Variants in C20orf202 observed in about 807,000 individuals in gnomAD.
The protein encoded by C20orf202 is uncharacterized protein C20orf202.
C20orf202 carries 5 observed loss-of-function variants against 5.3 expected under a neutral mutation model. The ratio of observed to expected loss-of-function variants is 0.94; its 90% CI spans 0.49 to 1.98. The LOEUF (loss-of-function observed/expected upper bound fraction) is 1.98, where lower values mean the gene tolerates loss of function less well. C20orf202 is among the 30% of genes most tolerant of loss of function. C20orf202 has a pLI of 0.01. For synonymous variants in C20orf202, 48 were observed against 50.0 expected, an observed-to-expected ratio of 0.96 and a Z score of 0.16; for missense variants, 135 against 123.5, an observed-to-expected ratio of 1.09 and a Z score of -0.44.
At chr20:1,206,005 A>T (rs1357727099) in intron 1 of C20orf202, among the ~76,000 whole-genome samples, 5 of 151,956 alleles carry the variant, frequency 3.3e-5, no homozygotes, top group Admixed American at 3.3e-4. Context: ...GTGAGCCGTT[A>T]TTGCACCACT....
rs558875651 is a variant in C20orf202 at position 1,207,177 on chromosome 20, A to G, written c.*75A>G. On this transcript the variant is annotated 3_prime_UTR_variant, in exon 2 of 2. Coordinates refer to ENST00000400633, the MANE Select transcript of C20orf202 (RefSeq NM_001394958.1). Reference sequence around the variant, plus strand: ...TTTCACTGTGATATTTCAGGGGCAGAGTGTTGGAATGGGAGTCAGAAAGCC... The same window carrying G: ...TTTCACTGTGATATTTCAGGGGCAGGGTGTTGGAATGGGAGTCAGAAAGCC... 6 of 1,110,946 alleles carry G rather than the reference A, an allele frequency of 5.4e-6. No homozygotes were observed. The highest frequency in any genetic ancestry group is 7.4e-6 in the Non-Finnish European group (6 of 809,302). The allele number at this position is 1,110,946 out of a possible 1,614,324, so 68.8% of individuals were successfully genotyped here. A position where few individuals can be genotyped will look rare whatever the true frequency, so the allele number is the denominator to read the frequency against.
At chr20:1,204,697 C>A (rs992847684) in intron 1 of C20orf202, among the ~76,000 whole-genome samples, 1 of 152,196 alleles carries the variant, frequency 6.6e-6, no homozygotes, top group Non-Finnish European at 1.5e-5. Context: ...CCAAAAATGA[C>A]CTTTCTGGGT....
intron 1 of C20orf202, among the ~76,000 whole-genome samples, chr20:1,204,247 G>T (rs910072288): frequency 6.6e-6 from 1 of 152,138 alleles, no homozygotes; most frequent in African/African-American, 2.4e-5. Flanking sequence ...CCAATGCTAT[G>T]CCAGGCAATT....
Position 1,208,158 on chromosome 20 carries a change from G to C in C20orf202, c.*1056G>C, listed in dbSNP as rs1238771510. 6.6e-6 allele frequency: 1 copy of C among 152,224 alleles called. No individual in the cohort carries two copies. 9.4% of individuals were successfully genotyped at this position (152,224 alleles called of 1,614,324 possible). A position where few individuals can be genotyped will look rare whatever the true frequency, so the allele number is the denominator to read the frequency against. On this transcript the variant is annotated 3_prime_UTR_variant, in exon 2 of 2. Transcript: ENST00000400633. ...TCCGTAACAGCAGGCAACCAGGCTT[G>C]TGATACAGCAGAGACACTCAGTTGT...
chr20:1,206,161 G>C (rs2122717275), intron 1 of C20orf202, among the ~76,000 whole-genome samples: 1 of 152,234 alleles, frequency 6.6e-6, no homozygotes, highest in Non-Finnish European at 1.5e-5. Flanking sequence ...AAGATGACAG[G>C]AGAGTTCTAA....
rs2087134156 is a variant in C20orf202 at position 1,206,925 on chromosome 20, T to C, written c.123T>C (p.Ser41=). 1 of 1,551,150 alleles carries C rather than the reference T, an allele frequency of 6.4e-7. No homozygotes were observed. The highest frequency in any genetic ancestry group is 1.2e-5 in the South Asian group (1 of 83,994). The change falls in exon 2 of 2, where the codon AGT becomes AGC. Residue 41 remains serine, a synonymous_variant. Transcript: ENST00000400633. ...SLLLTLRHLH[S]VLEELRADSA... is the part of the protein sequence containing the mutation. ...TGCTCACACTGAGGCATCTTCACAG[T>C]GTCCTGGAGGAGCTGCGTGCGGACA...
rs2087137145 is a variant in C20orf202 at position 1,207,362 on chromosome 20, G to A, written c.*260G>A. ...ACACTTTTCGACTGAAAACACAAATGTGCTCTAGTGCTCTGGCAAGCACCA... is the reference window on the plus strand; with the variant it reads ...ACACTTTTCGACTGAAAACACAAATATGCTCTAGTGCTCTGGCAAGCACCA... On this transcript the variant is annotated 3_prime_UTR_variant, in exon 2 of 2. Transcript: ENST00000400633. The A allele has an allele frequency of 2.8e-6, 1 of 351,952 alleles. No homozygotes were observed. 21.8% of individuals were successfully genotyped at this position (351,952 alleles called of 1,614,324 possible).
At chr20:1,204,074 G>A (rs933807332) in intron 1 of C20orf202, among the ~76,000 whole-genome samples, 2 of 152,092 alleles carry the variant, frequency 1.3e-5, no homozygotes, top group Non-Finnish European at 2.9e-5. Context: ...CCGTGGTGCT[G>A]GCTATTATAA....
rs145683840 is a variant in C20orf202 at position 1,208,815 on chromosome 20, G to A, written c.*1713G>A. ...TGTGGGTCCCTGCCTTACCTACCTGGCCCTTTCCTGAGCTCAGAGACACCA... is the reference window on the plus strand; with the variant it reads ...TGTGGGTCCCTGCCTTACCTACCTGACCCTTTCCTGAGCTCAGAGACACCA... On this transcript the variant is annotated 3_prime_UTR_variant, in exon 2 of 2. Coordinates refer to ENST00000400633, the MANE Select transcript of C20orf202 (RefSeq NM_001394958.1). Among the ~76,000 whole-genome samples, 1 of 152,160 alleles carries A rather than the reference G, an allele frequency of 6.6e-6. No homozygotes were observed. Among genetic ancestry groups the A allele is most frequent in the Non-Finnish European group, 1.5e-5 (1 of 68,006 alleles).
At chr20:1,203,787 T>A in intron 1 of C20orf202, 136 bp downstream of exon 1, 1 of 956,728 alleles carries the variant, frequency 1.0e-6, no homozygotes, top group South Asian at 1.8e-5. Flanking sequence ...CTCTGGGACC[T>A]ACCACACAAT....
intron 1 of C20orf202, among the ~76,000 whole-genome samples, chr20:1,205,106 CTTT>C (rs55977318): frequency 9.7e-5 from 13 of 134,252 alleles, no homozygotes; most frequent in Admixed American, 2.2e-4. Flanking sequence ...CACGTCTTTC[CTTT>C]TTTTTTTTTT....
chr20:1,208,344 T>C lies in C20orf202; in HGVS notation c.*1242T>C, dbSNP rs1411534676. ...CTGTATGTTGCTAGAACATTGTTTT[T>C]ATGGCTTTGAAAAAGTAAATCGATT... is the stretch of plus-strand genomic sequence containing the variant. On this transcript the variant is annotated 3_prime_UTR_variant, in exon 2 of 2. Transcript: ENST00000400633. 2 of 152,224 alleles carry C rather than the reference T, an allele frequency of 1.3e-5. No individual in the cohort carries two copies. Among genetic ancestry groups the C allele is most frequent in the Non-Finnish European group, 2.9e-5 (2 of 68,038 alleles). 9.4% of individuals were successfully genotyped at this position (152,224 alleles called of 1,614,324 possible).
chr20:1,203,662 G>A lies in C20orf202; in HGVS notation c.66+11G>A, dbSNP rs1425613707. The stretch of plus-strand genomic sequence containing the variant: ...CTGAGAAAGGAGCTGGTAAGGTTTT[G>A]CATTGCTTTTCCTTGATGCCCCGAC... On this transcript the variant is annotated intron_variant, in intron 1 of 1. Coordinates refer to ENST00000400633, the MANE Select transcript of C20orf202 (RefSeq NM_001394958.1). The A allele has an allele frequency of 6.5e-7, 1 of 1,532,820 alleles. No individual in the cohort carries two copies. The highest frequency in any genetic ancestry group is 2.5e-5 in the East Asian group (1 of 40,786). The allele number at this position is 1,532,820 out of a possible 1,614,324, so 95.0% of individuals were successfully genotyped here.
intron 1 of C20orf202, among the ~76,000 whole-genome samples, chr20:1,204,767 C>A (rs561344918): frequency 2.0e-5 from 3 of 152,288 alleles, no homozygotes; most frequent in African/African-American, 7.2e-5. Context: ...AAGGGCTGAC[C>A]CAGTAGGGTT....
chr20:1,203,597 A>T lies in C20orf202; in HGVS notation c.12A>T (p.Ala4=), dbSNP rs927611234. Residue 4 remains alanine, a synonymous_variant, in exon 1 of 2, where the codon GCA becomes GCT. Coordinates refer to ENST00000400633, the MANE Select transcript of C20orf202 (RefSeq NM_001394958.1). ...CTAAGAACACTGAGATGAAAATAGC[A>T]GAAGAGCCCAGCCCGAGTCTTGGGC... is the stretch of plus-strand genomic sequence containing the variant. MKI[A]EEPSPSLGQT... 6.4e-7 allele frequency: 1 copy of T among 1,551,602 alleles called. No homozygotes were observed. Among genetic ancestry groups the T allele is most frequent in the Admixed American group, 2.0e-5 (1 of 50,988 alleles).
rs2087135523 is a variant in C20orf202, at chr20:1,207,078, C to T, written c.276C>T (p.Asp92=). The change falls in exon 2 of 2, where the codon GAC becomes GAT. Residue 92 remains aspartate, a synonymous_variant. Transcript: ENST00000400633. ...TGGCCCAGCTCCTCCGAGGGGAAGA[C>T]AGCAGACGAAGCTCTCTCCCTTAAC... is the stretch of plus-strand genomic sequence containing the variant. ...RGLAQLLRGE[D]SRRSSLP 2 of 1,514,608 alleles carry T rather than the reference C, an allele frequency of 1.3e-6. No homozygotes were observed. The highest frequency in any genetic ancestry group is 2.5e-5 in the South Asian group (2 of 79,654). The allele number at this position is 1,514,608 out of a possible 1,614,324, so 93.8% of individuals were successfully genotyped here. A position where few individuals can be genotyped will look rare whatever the true frequency, so the allele number is the denominator to read the frequency against.
At chr20:1,205,922 G>A (rs570416489) in intron 1 of C20orf202, among the ~76,000 whole-genome samples, 1 of 152,150 alleles carries the variant, frequency 6.6e-6, no homozygotes, top group Non-Finnish European at 1.5e-5. Context: ...GCATGGTGGT[G>A]TGCACCTGGA....
At chr20:1,204,179 T>G (rs1319961293) in intron 1 of C20orf202, among the ~76,000 whole-genome samples, 1 of 152,080 alleles carries the variant, frequency 6.6e-6, no homozygotes, top group East Asian at 1.9e-4. Flanking sequence ...TAGCACTTTA[T>G]TTGGAAGTAC....
chr20:1,206,876 T>C lies in C20orf202; in HGVS notation c.74T>C (p.Met25Thr), dbSNP rs548549645. 16 of 1,535,780 alleles carry C rather than the reference T, an allele frequency of 1.0e-5. No homozygotes were observed. The highest frequency in any genetic ancestry group is 1.4e-5 in the African/African-American group (1 of 72,856). Reference sequence around the variant, plus strand: ...GCTCCTTCTCTCTCCTAGTCTGAGATGCAGATTCAAGATCAGAGTCTCCTG... The same window carrying C: ...GCTCCTTCTCTCTCCTAGTCTGAGACGCAGATTCAAGATCAGAGTCTCCTG... ...LEWLRKELSE[M>T]QIQDQSLLLT... The change falls in exon 2 of 2, where the codon ATG (methionine) becomes ACG (threonine). Residue 25 changes from methionine to threonine, a missense_variant. By Grantham distance (81) the Met-to-Thr change is moderately conservative. Transcript: ENST00000400633.
Sources: gnomAD v4.1 joint callset for allele counts (sites outside exome capture counted in the v4.1 genomes callset) on GRCh38, gnomAD v4.1.1 for gene constraint, MANE v1.5 for transcripts, NCBI Gene and HGNC (gene_info 2026-07-23, HGNC 2026-07-21) for gene names.